The following GMDS variants were observed in gnomAD, a reference collection of about 807,000 sequenced individuals.
GMDS encodes GDP-mannose 4,6-dehydratase.
Under a neutral mutation model 49.9 loss-of-function variants are expected in GMDS, and 20 were observed. That is an observed-to-expected ratio of 0.40 (90% confidence interval 0.28 to 0.58). GMDS has a LOEUF of 0.58. Ranked by LOEUF, GMDS falls within the 20% of genes least tolerant of loss-of-function variation. The pLI is 0.42. For missense variants in GMDS, 362 were observed against 481.4 expected, an observed-to-expected ratio of 0.75 and a Z score of 2.32; for synonymous variants, 177 against 178.6, an observed-to-expected ratio of 0.99 and a Z score of 0.07.
chr6:2,009,003 A>G (rs1210381948), intron 4 of GMDS, among the ~76,000 whole-genome samples: 1 of 152,236 alleles, frequency 6.6e-6, no homozygotes, highest in African/African-American at 2.4e-5. Flanking sequence ...TGCTGTTATT[A>G]CTGTCAGTAT....
chr6:2,174,419 T>C (rs1207909353), intron 1 of GMDS, among the ~76,000 whole-genome samples: 1 of 152,222 alleles, frequency 6.6e-6, no homozygotes, highest in Non-Finnish European at 1.5e-5. Context: ...TAAACTATGC[T>C]TGCAGAGTAT....
chr6:1,971,095 C>T (rs1007814505), intron 4 of GMDS, among the ~76,000 whole-genome samples: 11 of 151,996 alleles, frequency 7.2e-5, no homozygotes, highest in African/African-American at 2.2e-4. Context: ...ATAAATGCAC[C>T]GGCAATGTTT....
At chr6:2,238,019 A>G (rs1781444875) in intron 1 of GMDS, among the ~76,000 whole-genome samples, 1 of 152,174 alleles carries the variant, frequency 6.6e-6, no homozygotes. Context: ...GGCTAAAGGT[A>G]CAGCACAGCA....
chr6:2,001,436 T>C (rs1766812963), intron 4 of GMDS, among the ~76,000 whole-genome samples: 1 of 152,184 alleles, frequency 6.6e-6, no homozygotes, highest in South Asian at 2.1e-4. Context: ...ATTCTGTGGG[T>C]TGCCATTCTC....
rs139146955 is a variant in GMDS at position 1,907,202 on chromosome 6, T to C, written c.771+22901A>G. Among the ~76,000 whole-genome samples the C allele has an allele frequency of 7.1e-3, 1,077 of 152,338 alleles. 4 individuals carry two copies. Among genetic ancestry groups the C allele is most frequent in the Non-Finnish European group, 0.012 (832 of 68,026 alleles). On this transcript the variant is annotated intron_variant, in intron 7 of 10. Coordinates refer to ENST00000380815, the MANE Select transcript of GMDS (RefSeq NM_001500.4). ...ATGGCTTGGCATGCACGTGTCAGTG[T>C]ATGTGTATCAACTTGAACTCAACAC...
At chr6:1,878,085 G>A (rs758389049) in intron 7 of GMDS, among the ~76,000 whole-genome samples, 2 of 152,008 alleles carry the variant, frequency 1.3e-5, no homozygotes, top group African/African-American at 2.4e-5. Flanking sequence ...AGGCCGAGGT[G>A]GGCAGATCAC....
intron 1 of GMDS, among the ~76,000 whole-genome samples, chr6:2,202,767 C>T (rs1227401137): frequency 6.6e-6 from 1 of 152,160 alleles, no homozygotes; most frequent in Non-Finnish European, 1.5e-5. Context: ...CCTTGAAATG[C>T]CTCCTGCTGC....
intron 10 of GMDS, 44 bp from the exon 11 acceptor site, chr6:1,624,275 T>C: frequency 1.9e-6 from 3 of 1,568,584 alleles, no homozygotes; most frequent in Non-Finnish European, 1.8e-6. Flanking sequence ...TCTGCCACTC[T>C]CTCCTGGTGA....
At chr6:2,063,187 A>G (rs1771295062) in intron 4 of GMDS, among the ~76,000 whole-genome samples, 1 of 152,252 alleles carries the variant, frequency 6.6e-6, no homozygotes, top group South Asian at 2.1e-4. Flanking sequence ...AAAGTAAGAA[A>G]AAAAGATAAA....
chr6:2,176,797 G>C (rs548995756), intron 1 of GMDS, among the ~76,000 whole-genome samples: 2 of 152,290 alleles, frequency 1.3e-5, no homozygotes, highest in South Asian at 4.1e-4. Flanking sequence ...ACACCTTTCA[G>C]TGCTAGGGCA....
At chr6:2,226,189 T>C (rs968246162) in intron 1 of GMDS, among the ~76,000 whole-genome samples, 5 of 152,140 alleles carry the variant, frequency 3.3e-5, no homozygotes, top group Non-Finnish European at 5.9e-5. Context: ...ACCAACAATA[T>C]ACTTTAATTT....
chr6:1,963,628 T>C (rs1024854619), intron 4 of GMDS, among the ~76,000 whole-genome samples: 4 of 152,204 alleles, frequency 2.6e-5, no homozygotes, highest in East Asian at 1.9e-4. Context: ...CACCATTTGT[T>C]GAAAAGGCCA....
At chr6:1,657,485 A>G (rs1581420436) in intron 9 of GMDS, among the ~76,000 whole-genome samples, 1 of 152,238 alleles carries the variant, frequency 6.6e-6, no homozygotes, top group African/African-American at 2.4e-5. Flanking sequence ...TCGTGCCACA[A>G]TAAAAATGTC....
At chr6:1,697,647 C>G (rs1009591671) in intron 9 of GMDS, among the ~76,000 whole-genome samples, 1 of 152,208 alleles carries the variant, frequency 6.6e-6, no homozygotes, top group African/African-American at 2.4e-5. Flanking sequence ...AAATTTGGGG[C>G]ACCATGCACA....
intron 1 of GMDS, among the ~76,000 whole-genome samples, chr6:2,184,256 C>G (rs1448628661): frequency 3.9e-5 from 6 of 152,158 alleles, no homozygotes; most frequent in African/African-American, 1.4e-4. Flanking sequence ...TATTGGCTCC[C>G]TAAAATCCAT....
At chr6:1,839,284 C>T (rs1326901185) in intron 7 of GMDS, among the ~76,000 whole-genome samples, 1 of 152,172 alleles carries the variant, frequency 6.6e-6, no homozygotes, top group African/African-American at 2.4e-5. Context: ...TTATTTTTGG[C>T]TCATAAGACT....
At chr6:1,714,233 T>G (rs1766089818) in intron 9 of GMDS, among the ~76,000 whole-genome samples, 1 of 152,108 alleles carries the variant, frequency 6.6e-6, no homozygotes, top group African/African-American at 2.4e-5. Flanking sequence ...TTAGTCAGGA[T>G]GGTCTCGATC....
At chr6:2,243,275 G>T (rs1781700459) in intron 1 of GMDS, among the ~76,000 whole-genome samples, 1 of 152,178 alleles carries the variant, frequency 6.6e-6, no homozygotes, top group Admixed American at 6.5e-5. Context: ...AAACTAGAGT[G>T]GGGGCCCACT....
intron 1 of GMDS, among the ~76,000 whole-genome samples, chr6:2,134,774 G>GT (rs1450740088): frequency 2.0e-5 from 3 of 152,164 alleles, no homozygotes; most frequent in Non-Finnish European, 4.4e-5. Context: ...GAGTCATATA[G>GT]TTAAGCTATC....
Sources: gnomAD v4.1 joint callset for allele counts (sites outside exome capture counted in the v4.1 genomes callset) on GRCh38, gnomAD v4.1.1 for gene constraint, MANE v1.5 for transcripts, NCBI Gene and HGNC (gene_info 2026-07-23, HGNC 2026-07-21) for gene names.